Variants in MRPS25 observed in about 807,000 individuals in gnomAD.
MRPS25 encodes the protein mitochondrial ribosomal protein S25, also known as small ribosomal subunit protein mS25.
In MRPS25, 15 loss-of-function variants were observed where a neutral mutation model predicts 17.3. The ratio of observed to expected loss-of-function variants is 0.87; its 90% CI spans 0.58 to 1.34. The LOEUF is 1.34. MRPS25 is among the 40% of genes most tolerant of loss of function. The pLI is 0.00. For synonymous variants in MRPS25, 94 were observed against 83.3 expected, an observed-to-expected ratio of 1.13 and a Z score of -0.70; for missense variants, 225 against 218.6, an observed-to-expected ratio of 1.03 and a Z score of -0.19.
chr3:15,043,309 C>A, downstream of MRPS25: 1 of 201,516 alleles, frequency 5.0e-6, no homozygotes, highest in African/African-American at 2.3e-5. Context: ...TTTATAATGT[C>A]AGAGACTAGT....
chr3:15,052,524 C>T lies in MRPS25; in HGVS notation c.439G>A (p.Val147Met), dbSNP rs986908176. 1 of 1,614,070 alleles carries T rather than the reference C, an allele frequency of 6.2e-7. No individual in the cohort carries two copies. Among genetic ancestry groups the T allele is most frequent in the South Asian group, 1.1e-5 (1 of 91,082 alleles). Reference protein sequence around the residue: ...RECICEVEGQVPCPSLVPLPK... With the variant: ...RECICEVEGQMPCPSLVPLPK... ...AATGGCACCAGGCTGGGGCAGGGCA[C>T]CTGCCCTTCCACTTCACAGATGCAC... Residue 147 changes from valine to methionine, a missense_variant, in exon 4 of 4, where the codon GTG (valine) becomes ATG (methionine). By Grantham distance (21) the Val-to-Met change is conservative. Transcript: ENST00000253686.
chr3:15,064,399 G>A (rs1168931264), intron 1 of MRPS25, among the ~76,000 whole-genome samples: 3 of 152,124 alleles, frequency 2.0e-5, no homozygotes, highest in African/African-American at 7.2e-5. Flanking sequence ...TTCTAGTCGG[G>A]GTAGGGTCTG....
intron 3 of MRPS25, 124 bp downstream of exon 3, chr3:15,053,256 A>AT: frequency 6.6e-7 from 1 of 1,524,584 alleles, no homozygotes; most frequent in Non-Finnish European, 8.8e-7. Flanking sequence ...CCCAGCTCTT[A>AT]TTAGTGTCTG....
intron 2 of MRPS25, among the ~76,000 whole-genome samples, chr3:15,054,532 A>T (rs1212758878): frequency 6.6e-6 from 1 of 152,178 alleles, no homozygotes; most frequent in Non-Finnish European, 1.5e-5. Flanking sequence ...ACAGAGCGAG[A>T]CTCAACCTCA....
intron 2 of MRPS25, among the ~76,000 whole-genome samples, chr3:15,054,491 G>T (rs756027566): frequency 6.6e-6 from 1 of 152,126 alleles, no homozygotes; most frequent in African/African-American, 2.4e-5. Context: ...GCAGTGAGCT[G>T]AGATCGTGCT....
chr3:15,056,214 C>CAA (rs879534881), intron 2 of MRPS25, among the ~76,000 whole-genome samples: 5 of 118,020 alleles, frequency 4.2e-5, no homozygotes, highest in African/African-American at 1.6e-4. Context: ...GACTCTGTCT[C>CAA]AAAAAAAAAA....
chr3:15,063,189 T>C (rs191152705), intron 1 of MRPS25, among the ~76,000 whole-genome samples: 83 of 152,116 alleles, frequency 5.5e-4, no homozygotes, highest in Middle Eastern at 3.4e-3. Context: ...AGGTCAGAAG[T>C]TAAGTAAACT....
downstream of MRPS25, chr3:15,043,367 T>G (rs2042339526): frequency 6.4e-6 from 1 of 157,080 alleles, no homozygotes; most frequent in African/African-American, 2.4e-5. Context: ...TGTGTATATA[T>G]ATATATAAAA....
chr3:15,061,905 G>GC (rs2042769657), intron 1 of MRPS25, among the ~76,000 whole-genome samples: 1 of 148,232 alleles, frequency 6.7e-6, no homozygotes, highest in African/African-American at 2.5e-5. Flanking sequence ...CCCGGCAGCC[G>GC]CCCTGTCTGA....
At chr3:15,054,540 T>C (rs1343715073) in intron 2 of MRPS25, among the ~76,000 whole-genome samples, 1 of 151,740 alleles carries the variant, frequency 6.6e-6, no homozygotes, top group East Asian at 1.9e-4. Flanking sequence ...AGACTCAACC[T>C]CAAAAAAAAA....
At chr3:15,064,965 G>T in intron 1 of MRPS25, 96 bp downstream of exon 1, 2 of 1,471,368 alleles carry the variant, frequency 1.4e-6, no homozygotes, top group Non-Finnish European at 9.1e-7. Flanking sequence ...CCCCGGGGAT[G>T]AACGGCCGCC....
Position 15,050,212 on chromosome 3 carries a change from G to GC in MRPS25, c.*2228dup. ...AAATTATCTGCTGCCTGTGAAGCTG[G>GC]CCACACAGGCAGTAACTGCACCACA... On this transcript the variant is annotated 3_prime_UTR_variant, in exon 4 of 4. Transcript: ENST00000253686. The GC allele has an allele frequency of 8.5e-7, 1 of 1,171,092 alleles. No homozygotes were observed. The highest frequency in any genetic ancestry group is 1.1e-6 in the Non-Finnish European group (1 of 947,390). 72.5% of individuals were successfully genotyped at this position (1,171,092 alleles called of 1,614,324 possible).
intron 1 of MRPS25, among the ~76,000 whole-genome samples, chr3:15,062,348 G>C: frequency 1.3e-5 from 1 of 76,166 alleles, no homozygotes; most frequent in African/African-American, 5.3e-5. Context: ...CTACTGGGAA[G>C]TGAGGAGCCC....
rs774979745 is a variant in MRPS25, at chr3:15,049,307, G to C, written c.*3134C>G. On this transcript the variant is annotated 3_prime_UTR_variant, in exon 4 of 4. Transcript: ENST00000253686. ...CTGCTCTTCATTTTTCTTCATGATA[G>C]TAGTAATGCCTGGCCCCCAAACAAT... 6.5e-6 allele frequency: 1 copy of C among 152,744 alleles called. No homozygotes were observed. Among genetic ancestry groups the C allele is most frequent in the African/African-American group, 2.4e-5 (1 of 41,448 alleles). 9.5% of individuals were successfully genotyped at this position (152,744 alleles called of 1,614,324 possible). A position where few individuals can be genotyped will look rare whatever the true frequency, so the allele number is the denominator to read the frequency against.
intron 2 of MRPS25, among the ~76,000 whole-genome samples, chr3:15,057,931 C>A (rs191446834): frequency 3.7e-4 from 56 of 152,358 alleles, no homozygotes; most frequent in African/African-American, 1.3e-3. Flanking sequence ...GTTGCCCAGG[C>A]TGGCGTGCAG....
chr3:15,048,121 T>A (rs147353034), downstream of MRPS25: 2 of 152,810 alleles, frequency 1.3e-5, no homozygotes, highest in East Asian at 3.9e-4. Flanking sequence ...AAATAAGTTA[T>A]CAAAATGTTT....
rs746509761 is a variant in MRPS25 at position 15,053,392 on chromosome 3, A to C, written c.317T>G (p.Leu106Trp). 1 of 1,614,118 alleles carries C rather than the reference A, an allele frequency of 6.2e-7. No homozygotes were observed. The highest frequency in any genetic ancestry group is 8.5e-7 in the Non-Finnish European group (1 of 1,180,012). The change falls in exon 3 of 4, where the codon TTG (leucine) becomes TGG (tryptophan). Residue 106 changes from leucine to tryptophan, a missense_variant. Leu to Trp is a moderately conservative substitution (Grantham distance 61). Transcript: ENST00000253686. Reference protein sequence around the residue: ...KEIMEHIRKILGKNEETLREE... With the variant: ...KEIMEHIRKIWGKNEETLREE... The stretch of plus-strand genomic sequence containing the variant: ...CCAAACAACTCACTCATTCTTCCCC[A>C]AGATTTTTCTGATGTGCTCCATGAT...
intron 2 of MRPS25, among the ~76,000 whole-genome samples, chr3:15,053,978 C>T (rs903449297): frequency 3.9e-5 from 6 of 152,184 alleles, no homozygotes; most frequent in Non-Finnish European, 8.8e-5. Context: ...AGAATATGGC[C>T]GGGCGCGGTG....
chr3:15,063,688 T>C (rs2042812488), intron 1 of MRPS25, among the ~76,000 whole-genome samples: 1 of 152,148 alleles, frequency 6.6e-6, no homozygotes, highest in African/African-American at 2.4e-5. Context: ...GGCTGGCCAT[T>C]TAAAAGCCAG....
Sources: allele counts gnomAD v4.1 joint callset (sites outside exome capture counted in the v4.1 genomes callset), GRCh38; gene constraint gnomAD v4.1.1; transcripts MANE v1.5; gene names NCBI Gene and HGNC (gene_info 2026-07-23, HGNC 2026-07-21).